KCTD14: variants seen among roughly 807,000 people sequenced by gnomAD.
The protein encoded by KCTD14 is BTB/POZ domain-containing protein KCTD14.
Under a neutral mutation model 5.9 loss-of-function variants are expected in KCTD14, and 7 were observed. The observed-to-expected ratio is 1.19, with a 90% CI of 0.68 to 2.23. The LOEUF is 2.23. Among genes scored for constraint, KCTD14 ranks in the 30% most tolerant of loss-of-function variants. KCTD14 has a pLI of 0.00. For missense variants in KCTD14, 342 were observed against 332.2 expected, an observed-to-expected ratio of 1.03 and a Z score of -0.23; for synonymous variants, 140 against 133.1, an observed-to-expected ratio of 1.05 and a Z score of -0.36.
rs1425487810 is a variant in KCTD14 at position 78,016,998 on chromosome 11, C to T, written c.363G>A (p.Leu121=). The T allele has an allele frequency of 6.2e-6, 10 of 1,614,246 alleles. No homozygotes were observed. The highest frequency in any genetic ancestry group is 8.5e-6 in the Non-Finnish European group (10 of 1,180,054). ...QFYEIKPLVK[L]LEDMPQIFGE... ...CAAAGATCTGTGGCATGTCCTCCAG[C>T]AGCTTGACCAAAGGCTTGATTTCGT... The change falls in exon 2 of 2, where the codon CTG becomes CTA. Residue 121 remains leucine, a synonymous_variant. Coordinates refer to ENST00000353172, the MANE Select transcript of KCTD14 (RefSeq NM_023930.4).
At chr11:78,045,875 C>G (rs748077233) in intron 1 of KCTD14, among the ~76,000 whole-genome samples, 1 of 152,114 alleles carries the variant, frequency 6.6e-6, no homozygotes, top group Non-Finnish European at 1.5e-5. Context: ...ACCGCTTCTC[C>G]CCCACCCCAC....
At chr11:78,027,513 C>T (rs531814163), upstream of KCTD14, among the ~76,000 whole-genome samples, 1 of 152,120 alleles carries the variant, frequency 6.6e-6, no homozygotes, top group African/African-American at 2.4e-5. Context: ...CAGGCATGTA[C>T]CACCACAACC....
chr11:78,029,804 C>T (rs576506794), intron 2 of KCTD14, among the ~76,000 whole-genome samples: 27 of 146,590 alleles, frequency 1.8e-4, no homozygotes, highest in Non-Finnish European at 3.3e-4. Context: ...TTTTTTGAGA[C>T]GGAGTCTCGC....
chr11:78,017,325 C>G lies in KCTD14; in HGVS notation c.91-55G>C, dbSNP rs551377533. On this transcript the variant is annotated intron_variant, in intron 1 of 1. Coordinates refer to ENST00000353172, the MANE Select transcript of KCTD14 (RefSeq NM_023930.4). The stretch of plus-strand genomic sequence containing the variant: ...CACGCCATCTCCCCTGAGCGCATTA[C>G]TTATTTTTATCCAAAGGATAACTGG... 7.3e-6 allele frequency: 11 copies of G among 1,509,714 alleles called. No homozygotes were observed. The African/African-American group carries it at 1.5e-4, about 21-fold the overall frequency. The allele number at this position is 1,509,714 out of a possible 1,614,324, so 93.5% of individuals were successfully genotyped here.
intron 1 of KCTD14, among the ~76,000 whole-genome samples, chr11:78,045,502 C>T (rs1337615946): frequency 6.6e-6 from 1 of 152,174 alleles, no homozygotes; most frequent in East Asian, 1.9e-4. Flanking sequence ...GCTCAACATC[C>T]TCCTGACCTG....
chr11:78,033,901 G>GTGTGTGTGTACATATA lies in KCTD14; in HGVS notation c.-1+4762_-1+4763insTATATGTACACACACA. Among the ~76,000 whole-genome samples, 64 of 115,564 alleles carry GTGTGTGTGTACATATA rather than the reference G, an allele frequency of 5.5e-4. 2 individuals carry two copies. The highest frequency in any genetic ancestry group is 7.8e-4 in the Admixed American group (8 of 10,292). 75.8% of individuals were successfully genotyped at this position (115,564 alleles called of 152,430 possible). ...ATAGTGTGTGTGTATGTGTGTGTGT[G>GTGTGTGTGTACATATA]TATATATATATATACACACATTATA... is the stretch of plus-strand genomic sequence containing the variant. On this transcript the variant is annotated intron_variant, in intron 2 of 2. Transcript: ENST00000533144.
At chr11:78,017,932 A>G (rs1179955845) in intron 1 of KCTD14, among the ~76,000 whole-genome samples, 3 of 151,700 alleles carry the variant, frequency 2.0e-5, no homozygotes, top group Non-Finnish European at 2.9e-5. Context: ...CCCTGTTTCT[A>G]CTAAAAATAC....
chr11:78,027,163 C>T (rs560160337), upstream of KCTD14, among the ~76,000 whole-genome samples: 9 of 151,878 alleles, frequency 5.9e-5, no homozygotes, highest in South Asian at 1.5e-3. Context: ...ACATGTATGA[C>T]GTACACTGGT....
intron 2 of KCTD14, among the ~76,000 whole-genome samples, chr11:78,032,352 T>C (rs4945241): frequency 0.79 from 120,393 of 152,238 alleles, 47,769 homozygotes; most frequent in Admixed American, 0.82. Context: ...AGCTCTTGGG[T>C]CTTTTAACCC....
chr11:78,027,106 A>T (rs979769405), upstream of KCTD14, among the ~76,000 whole-genome samples: 2 of 152,112 alleles, frequency 1.3e-5, no homozygotes, highest in South Asian at 4.1e-4. Flanking sequence ...CTCAAAAAAA[A>T]TTAATTAATT....
intron 1 of KCTD14, among the ~76,000 whole-genome samples, chr11:78,020,539 G>T (rs554275943): frequency 7.2e-5 from 11 of 152,274 alleles, no homozygotes; most frequent in African/African-American, 2.6e-4. Flanking sequence ...AAACCTCAAG[G>T]CCCCTTGGCA....
chr11:78,023,096 G>T, intron 1 of KCTD14, 64 bp downstream of exon 1: 1 of 1,113,846 alleles, frequency 9.0e-7, no homozygotes. Flanking sequence ...CTGGAAGGGA[G>T]GGAAGAGGCG....
chr11:78,033,900 T>TAC (rs1232726987), intron 2 of KCTD14, among the ~76,000 whole-genome samples: 1 of 127,870 alleles, frequency 7.8e-6, no homozygotes, highest in African/African-American at 3.1e-5. Flanking sequence ...TGTGTGTGTG[T>TAC]GTATATATAT....
intron 2 of KCTD14, among the ~76,000 whole-genome samples, chr11:78,035,843 T>TGAA: frequency 6.5e-5 from 1 of 15,314 alleles, no homozygotes; most frequent in Non-Finnish European, 1.1e-4. Context: ...AGACTCCATC[T>TGAA]CAAAAAAAAA....
intron 2 of KCTD14, among the ~76,000 whole-genome samples, chr11:78,034,083 C>G (rs1001781463): frequency 6.6e-6 from 1 of 151,750 alleles, no homozygotes; most frequent in Non-Finnish European, 1.5e-5. Context: ...GCTCTGTCAC[C>G]CAGGCTGGAG....
intron 1 of KCTD14, among the ~76,000 whole-genome samples, chr11:78,043,129 G>A (rs991334741): frequency 2.6e-5 from 4 of 152,184 alleles, no homozygotes; most frequent in African/African-American, 9.7e-5. Context: ...GATTACAGGA[G>A]TGAGCCACCG....
intron 1 of KCTD14, among the ~76,000 whole-genome samples, chr11:78,042,723 G>A (rs1202098407): frequency 1.3e-5 from 2 of 152,140 alleles, no homozygotes; most frequent in Admixed American, 6.5e-5. Context: ...TAAGAGAGAA[G>A]TTTAATAGGC....
chr11:78,016,864 G>A lies in KCTD14; in HGVS notation c.497C>T (p.Ser166Phe). ...ARAEAITARK[S>F]SVLVCLVETE... ...TTCCACCAGGCACACAAGCACGCTG[G>A]ACTTCCGTGCTGTTATGGCTTCTGC... is the stretch of plus-strand genomic sequence containing the variant. Residue 166 changes from serine (S) to phenylalanine (F), a missense_variant, in exon 2 of 2, where the codon TCC (serine) becomes TTC (phenylalanine). Ser to Phe is a radical substitution (Grantham distance 155). Coordinates refer to ENST00000353172, the MANE Select transcript of KCTD14 (RefSeq NM_023930.4). 1 of 1,614,200 alleles carries A rather than the reference G, an allele frequency of 6.2e-7. No individual in the cohort carries two copies. Among genetic ancestry groups the A allele is most frequent in the Non-Finnish European group, 8.5e-7 (1 of 1,180,026 alleles).
At chr11:78,037,992 A>C (rs79057674) in intron 2 of KCTD14, among the ~76,000 whole-genome samples, 3 of 25,344 alleles carry the variant, frequency 1.2e-4, no homozygotes, top group South Asian at 1.5e-3. Flanking sequence ...AAAGTTGACC[A>C]AAAAAAAAAA....
Sources: allele counts gnomAD v4.1 joint callset (sites outside exome capture counted in the v4.1 genomes callset), GRCh38; gene constraint gnomAD v4.1.1; transcripts MANE v1.5; gene names NCBI Gene and HGNC (gene_info 2026-07-23, HGNC 2026-07-21).